DSCAM: variants seen among roughly 807,000 people sequenced by gnomAD.
The protein encoded by DSCAM is DS cell adhesion molecule.
A neutral mutation model predicts 217.7 loss-of-function variants in DSCAM; 47 were observed. That is an observed-to-expected ratio of 0.22 (90% CI 0.17 to 0.28). The LOEUF (loss-of-function observed/expected upper bound fraction) is 0.28, where lower values mean the gene tolerates loss of function less well. DSCAM is among the 10% of genes least tolerant of loss of function. The pLI, the probability that DSCAM is intolerant of heterozygous loss-of-function variation, is 1.00. For synonymous variants in DSCAM, 1,056 were observed against 1,015.3 expected, an observed-to-expected ratio of 1.04 and a Z score of -0.76; for missense variants, 2,080 against 2,618.3, an observed-to-expected ratio of 0.79 and a Z score of 4.49.
Position 40,164,392 on chromosome 21 carries a change from C to T in DSCAM, c.3018+2826G>A, listed in dbSNP as rs540908150. On this transcript the variant is annotated intron_variant, in intron 16 of 32. Transcript: ENST00000400454. ...GCGAGGCAAGATAAGGGGCCTGAAT[C>T]CAGGTGCTGCAGCTGATGTAGGATG... 4.3e-4 allele frequency among the ~76,000 whole-genome samples: 66 copies of T among 152,244 alleles called. 3 individuals carry two copies. The South Asian group carries it at 0.013, about 30-fold the overall frequency.
At position 40,356,945 on chromosome 21, in the gene DSCAM, A is replaced by G. The variant is rs2074699971; in HGVS notation, c.656-3202T>C. 2.6e-5 allele frequency among the ~76,000 whole-genome samples: 4 copies of G among 152,334 alleles called. No individual in the cohort carries two copies. In the South Asian group the frequency reaches 8.3e-4, roughly 32 times the overall value. The stretch of plus-strand genomic sequence containing the variant: ...TTGGCTTTCTATTTCTTTTGTGATC[A>G]TCAGAGATAAAACTTCATTATGAAC... On this transcript the variant is annotated intron_variant, in intron 4 of 32. Transcript: ENST00000400454.
At chr21:40,100,942 A>C (rs1211360294) in intron 20 of DSCAM, among the ~76,000 whole-genome samples, 1 of 152,188 alleles carries the variant, frequency 6.6e-6, no homozygotes, top group Non-Finnish European at 1.5e-5. Flanking sequence ...GGACTACAGT[A>C]ATTGTGCTAA....
At chr21:40,804,566 C>T (rs1235367599) in intron 1 of DSCAM, among the ~76,000 whole-genome samples, 5 of 152,048 alleles carry the variant, frequency 3.3e-5, no homozygotes, top group South Asian at 2.1e-4. Context: ...AGAGCCCCCA[C>T]GGTTTCATTT....
intron 3 of DSCAM, among the ~76,000 whole-genome samples, chr21:40,671,424 C>T (rs1393716288): frequency 6.6e-6 from 1 of 152,070 alleles, no homozygotes; most frequent in African/African-American, 2.4e-5. Flanking sequence ...GCCTGTAATC[C>T]CAGCAGTTTG....
At chr21:40,827,243 C>T (rs114403283) in intron 1 of DSCAM, among the ~76,000 whole-genome samples, 166 of 152,040 alleles carry the variant, frequency 1.1e-3, no homozygotes, top group African/African-American at 3.9e-3. Flanking sequence ...AATCTAGAAA[C>T]GTGGCCCATG....
chr21:40,057,366 G>A (rs1045906893), intron 28 of DSCAM, among the ~76,000 whole-genome samples: 1 of 152,128 alleles, frequency 6.6e-6, no homozygotes, highest in African/African-American at 2.4e-5. Context: ...GTTACTTGGG[G>A]GGCTGCATTT....
chr21:40,837,526 G>T (rs1053883561), intron 1 of DSCAM, among the ~76,000 whole-genome samples: 1 of 152,160 alleles, frequency 6.6e-6, no homozygotes, highest in Non-Finnish European at 1.5e-5. Context: ...ATTGATTTGG[G>T]TGAGTCATAA....
At chr21:40,596,927 G>A (rs2077025604) in intron 3 of DSCAM, among the ~76,000 whole-genome samples, 1 of 151,858 alleles carries the variant, frequency 6.6e-6, no homozygotes, top group Non-Finnish European at 1.5e-5. Flanking sequence ...AAGATAATAG[G>A]TAAGGCAGCA....
intron 15 of DSCAM, among the ~76,000 whole-genome samples, chr21:40,177,454 C>A (rs1007009647): frequency 1.3e-5 from 2 of 152,184 alleles, no homozygotes; most frequent in African/African-American, 4.8e-5. Flanking sequence ...CAAGAACTGA[C>A]ATCTTCCAGC....
intron 10 of DSCAM, among the ~76,000 whole-genome samples, chr21:40,280,094 G>T (rs1253804001): frequency 1.3e-5 from 2 of 150,232 alleles, no homozygotes; most frequent in Non-Finnish European, 2.9e-5. Context: ...AAACCTACAC[G>T]TTCTGCACAT....
chr21:40,687,781 C>T (rs1320197927), intron 3 of DSCAM, among the ~76,000 whole-genome samples: 1 of 152,220 alleles, frequency 6.6e-6, no homozygotes, highest in African/African-American at 2.4e-5. Flanking sequence ...TAAGCGCCTA[C>T]TGCAGCACTT....
intron 11 of DSCAM, among the ~76,000 whole-genome samples, chr21:40,273,804 C>T (rs554093463): frequency 2.4e-4 from 36 of 152,246 alleles, no homozygotes; most frequent in Non-Finnish European, 3.2e-4. Context: ...TGTATATCCT[C>T]GCATGGTGGA....
At chr21:40,349,288 A>G (rs2074603444) in intron 5 of DSCAM, among the ~76,000 whole-genome samples, 1 of 151,748 alleles carries the variant, frequency 6.6e-6, no homozygotes, top group African/African-American at 2.4e-5. Flanking sequence ...TATGTGGTTT[A>G]CCCAGGGCCA....
intron 3 of DSCAM, among the ~76,000 whole-genome samples, chr21:40,399,114 A>T (rs1164620536): frequency 6.6e-6 from 1 of 152,178 alleles, no homozygotes; most frequent in Non-Finnish European, 1.5e-5. Context: ...CTACAAAAAT[A>T]GAAAACTTAG....
intron 29 of DSCAM, among the ~76,000 whole-genome samples, chr21:40,054,007 G>C (rs2088975095): frequency 6.6e-6 from 1 of 152,176 alleles, no homozygotes. Context: ...TCCTATGTTG[G>C]CTGGAAGGGT....
chr21:40,380,984 A>G (rs1015786182), intron 3 of DSCAM, among the ~76,000 whole-genome samples: 6 of 141,874 alleles, frequency 4.2e-5, no homozygotes, highest in African/African-American at 1.5e-4. Context: ...AATGGCGGGA[A>G]CCCGGGAGGC....
intron 3 of DSCAM, among the ~76,000 whole-genome samples, chr21:40,441,761 G>T (rs1262675539): frequency 6.6e-6 from 1 of 152,082 alleles, no homozygotes; most frequent in Non-Finnish European, 1.5e-5. Context: ...TTAGCTCACT[G>T]GGCTTCTGTG....
At chr21:40,019,675 C>T (rs2088226955) in intron 32 of DSCAM, among the ~76,000 whole-genome samples, 2 of 152,150 alleles carry the variant, frequency 1.3e-5, no homozygotes, top group African/African-American at 4.8e-5. Context: ...ACTCCAGGGT[C>T]ACCATATTGG....
chr21:40,065,254 T>C (rs1477181432), intron 27 of DSCAM, among the ~76,000 whole-genome samples: 1 of 151,928 alleles, frequency 6.6e-6, no homozygotes, highest in East Asian at 1.9e-4. Context: ...CTAGTTTCAA[T>C]ATCGGGGGAC....
Sources: allele counts gnomAD v4.1 joint callset (sites outside exome capture counted in the v4.1 genomes callset), GRCh38; gene constraint gnomAD v4.1.1; transcripts MANE v1.5; gene names NCBI Gene and HGNC (gene_info 2026-07-23, HGNC 2026-07-21).